Variants in ARHGAP30 observed in about 807,000 individuals in gnomAD.
ARHGAP30 encodes the protein Rho GTPase activating protein 30, also known as rho GTPase-activating protein 30.
ARHGAP30 carries 23 observed loss-of-function variants against 72.0 expected under a neutral mutation model. The observed-to-expected ratio is 0.32, with a 90% CI of 0.23 to 0.45. The LOEUF (loss-of-function observed/expected upper bound fraction) is 0.45. Ranked by LOEUF, ARHGAP30 falls within the 20% of genes least tolerant of loss-of-function variation. The probability of loss-of-function intolerance (pLI) is 1.00; values close to 1 mark genes in which losing one functional copy is unlikely to be tolerated. For missense variants in ARHGAP30, 1,319 were observed against 1,383.4 expected, an observed-to-expected ratio of 0.95 and a Z score of 0.74; for synonymous variants, 576 against 528.2, an observed-to-expected ratio of 1.09 and a Z score of -1.24.
rs750851006 is a variant in ARHGAP30, at chr1:161,049,232, T to A, written c.1789A>T (p.Arg597Trp). The change falls in exon 12 of 12, where the codon AGG (arginine) becomes TGG (tryptophan). Residue 597 changes from arginine to tryptophan, a missense_variant. By Grantham distance (101) the Arg-to-Trp change is moderately radical. Transcript: ENST00000368013. Reference sequence around the variant, plus strand: ...CCATTTTCCTCCTCAACTTCAGGCCTGGGGCCAGCGGAGTCCAGGGAACAG... The same window carrying A: ...CCATTTTCCTCCTCAACTTCAGGCCAGGGGCCAGCGGAGTCCAGGGAACAG... ...SCCSLDSAGP[R>W]PEVEEENGEE... 1 of 1,614,094 alleles carries A rather than the reference T, an allele frequency of 6.2e-7. No homozygotes were observed. Among genetic ancestry groups the A allele is most frequent in the Non-Finnish European group, 8.5e-7 (1 of 1,179,994 alleles).
At chr1:161,056,081 C>T (rs971274794) in intron 3 of ARHGAP30, among the ~76,000 whole-genome samples, 1 of 150,678 alleles carries the variant, frequency 6.6e-6, no homozygotes, top group African/African-American at 2.4e-5. Context: ...TTCCAAGGCC[C>T]TTCCAGCTAC....
chr1:161,051,428 A>C lies in ARHGAP30; in HGVS notation c.1306T>G (p.Ser436Ala). 6.2e-7 allele frequency: 1 copy of C among 1,614,188 alleles called. No homozygotes were observed. Among genetic ancestry groups the C allele is most frequent in the Non-Finnish European group, 8.5e-7 (1 of 1,180,044 alleles). ...SILSVPPNII[S>A]NVSLARLTRG... is the part of the protein sequence containing the mutation. ...GTGAGCCTGGCCAAGGAAACGTTAG[A>C]GATGATGTTCGGGGGCACACTGAGG... The change falls in exon 10 of 12, where the codon TCT (serine) becomes GCT (alanine). Residue 436 changes from serine (S) to alanine (A), a missense_variant. By Grantham distance (99) the Ser-to-Ala change is moderately conservative. Coordinates refer to ENST00000368013, the MANE Select transcript of ARHGAP30 (RefSeq NM_001025598.2).
At chr1:161,059,358 C>T (rs1027228789) in intron 2 of ARHGAP30, among the ~76,000 whole-genome samples, 6 of 149,946 alleles carry the variant, frequency 4.0e-5, no homozygotes, top group African/African-American at 1.2e-4. Flanking sequence ...TTTTTTAAGC[C>T]GGGTGTGTGT....
At chr1:161,064,770 AAAGAAAGAAAAAGAAAG>A (rs1652568445) in intron 1 of ARHGAP30, among the ~76,000 whole-genome samples, 1 of 101,980 alleles carries the variant, frequency 9.8e-6, no homozygotes, top group African/African-American at 3.9e-5. Context: ...AGAAAGAAAG[AAAGAAAGAAAAAGAAAG>A]AAAGAAAGAA....
In ARHGAP30 at chr1:161,047,577, C is replaced by G; in HGVS notation, c.*138G>C. On this transcript the variant is annotated 3_prime_UTR_variant, in exon 12 of 12. Coordinates refer to ENST00000368013, the MANE Select transcript of ARHGAP30 (RefSeq NM_001025598.2). Reference sequence around the variant, plus strand: ...CAACCAAGGCAGTGCCTCCCACAGTCAAAGAGAGAAGCTGGAGGGCCAAAG... The same window carrying G: ...CAACCAAGGCAGTGCCTCCCACAGTGAAAGAGAGAAGCTGGAGGGCCAAAG... 3.2e-6 allele frequency: 3 copies of G among 925,034 alleles called. No individual in the cohort carries two copies. The highest frequency in any genetic ancestry group is 4.5e-6 in the Non-Finnish European group (3 of 661,104). The allele number at this position is 925,034 out of a possible 1,614,324, so 57.3% of individuals were successfully genotyped here.
chr1:161,053,464 C>T, intron 5 of ARHGAP30, 79 bp from the exon 6 acceptor site: 2 of 339,418 alleles, frequency 5.9e-6, no homozygotes, highest in Non-Finnish European at 7.8e-6. Context: ...ATACCTTATT[C>T]TCTCTCTCTC....
chr1:161,048,681 C>T lies in ARHGAP30; in HGVS notation c.2340G>A (p.Glu780=). Residue 780 remains glutamate (E), a synonymous_variant, in exon 12 of 12, where the codon GAG becomes GAA. Coordinates refer to ENST00000368013, the MANE Select transcript of ARHGAP30 (RefSeq NM_001025598.2). ...EQGAQEDQVA[E]EKWEVVQKQE... is the part of the protein sequence containing the mutation. ...GTTTCTGTACAACTTCCCATTTCTC[C>T]TCAGCAACTTGATCTTCCTGGGCCC... The T allele has an allele frequency of 6.2e-7, 1 of 1,614,126 alleles. No homozygotes were observed. The highest frequency in any genetic ancestry group is 8.5e-7 in the Non-Finnish European group (1 of 1,180,020).
chr1:161,055,171 A>G (rs909488654), intron 3 of ARHGAP30, among the ~76,000 whole-genome samples: 1 of 152,240 alleles, frequency 6.6e-6, no homozygotes, highest in Non-Finnish European at 1.5e-5. Flanking sequence ...AATTCAAAAT[A>G]GCATATTTTT....
intron 1 of ARHGAP30, among the ~76,000 whole-genome samples, chr1:161,063,903 ACT>A (rs950536026): frequency 3.3e-5 from 5 of 152,042 alleles, no homozygotes; most frequent in African/African-American, 1.2e-4. Flanking sequence ...GGAAGAGGAA[ACT>A]CTCGCCTAAT....
At chr1:161,056,611 C>T in intron 2 of ARHGAP30, 79 bp from the exon 3 acceptor site, 4 of 1,490,466 alleles carry the variant, frequency 2.7e-6, no homozygotes, top group Non-Finnish European at 3.6e-6. Context: ...GAGATGGGTC[C>T]CGGCATGGTC....
intron 1 of ARHGAP30, among the ~76,000 whole-genome samples, chr1:161,060,904 C>T (rs1652267574): frequency 6.6e-6 from 1 of 152,042 alleles, no homozygotes; most frequent in South Asian, 2.1e-4. Context: ...CAGGGTTTCA[C>T]CATGTTGGCC....
chr1:161,049,017 C>G lies in ARHGAP30; in HGVS notation c.2004G>C (p.Arg668Ser), dbSNP rs574520685. The change falls in exon 12 of 12, where the codon AGG (arginine) becomes AGC (serine). Residue 668 changes from arginine to serine, a missense_variant. By Grantham distance (110) the Arg-to-Ser change is moderately radical. Transcript: ENST00000368013. Reference sequence around the variant, plus strand: ...CCTCTGCCTCTTCCCTGATGTCTAGCCTGCCTCCAGGCTCAGCCTGCTTGT... The same window carrying G: ...CCTCTGCCTCTTCCCTGATGTCTAGGCTGCCTCCAGGCTCAGCCTGCTTGT... ...GEDKQAEPGG[R>S]LDIREEAEGS... 6.1e-5 allele frequency: 98 copies of G among 1,613,962 alleles called. No homozygotes were observed. The South Asian group carries it at 9.2e-4, about 15-fold the overall frequency.
chr1:161,063,105 G>T (rs1003552752), intron 1 of ARHGAP30, among the ~76,000 whole-genome samples: 1 of 152,128 alleles, frequency 6.6e-6, no homozygotes. Flanking sequence ...GAGCCACTGC[G>T]CCCAGCCATT....
At chr1:161,062,003 G>C (rs545023475) in intron 1 of ARHGAP30, among the ~76,000 whole-genome samples, 1 of 152,226 alleles carries the variant, frequency 6.6e-6, no homozygotes, top group South Asian at 2.1e-4. Flanking sequence ...CAGGAGAATT[G>C]CTTGAACCCG....
chr1:161,069,578 C>A lies in ARHGAP30; in HGVS notation c.47G>T (p.Arg16Leu). The change falls in exon 1 of 12, where the codon CGG (arginine) becomes CTG (leucine). Residue 16 changes from arginine (R) to leucine (L), a missense_variant. Physicochemically the swap from Arg to Leu is moderately radical, Grantham distance 102. Transcript: ENST00000368013. The surrounding 1 kb of genome is among the most constrained non-coding windows in gnomAD (Gnocchi z 4.9). ...CTCCTGCAAGTCGCACCCAAAAACC[C>A]GCTCCTTTGCGCTGCCCTTCTTCTT... The part of the protein sequence containing the change: ...KGKKKGSAKE[R>L]VFGCDLQEHL... 4.3e-6 allele frequency: 7 copies of A among 1,611,628 alleles called. No individual in the cohort carries two copies. The highest frequency in any genetic ancestry group is 5.9e-6 in the Non-Finnish European group (7 of 1,180,014).
At chr1:161,065,033 T>C (rs1652660494) in intron 1 of ARHGAP30, among the ~76,000 whole-genome samples, 1 of 152,092 alleles carries the variant, frequency 6.6e-6, no homozygotes, top group Admixed American at 6.6e-5. Context: ...TTGCACTTGA[T>C]TATGTTTATT....
intron 9 of ARHGAP30, among the ~76,000 whole-genome samples, chr1:161,052,047 ACCACCACC>A (rs1557921115): frequency 0.11 from 1,614 of 15,018 alleles, 473 homozygotes; most frequent in Middle Eastern, 0.2. Context: ...CACCACCACC[ACCACCACC>A]ACCACATACC....
rs993999021 is a variant in ARHGAP30, at chr1:161,047,595, G to A, written c.*120C>T. 2 of 1,103,680 alleles carry A rather than the reference G, an allele frequency of 1.8e-6. No homozygotes were observed. The highest frequency in any genetic ancestry group is 3.0e-5 in the Admixed American group (1 of 33,472). 68.4% of individuals were successfully genotyped at this position (1,103,680 alleles called of 1,614,324 possible). A position where few individuals can be genotyped will look rare whatever the true frequency, so the allele number is the denominator to read the frequency against. ...CCACAGTCAAAGAGAGAAGCTGGAG[G>A]GCCAAAGCCTATAGAGTTGGGCACT... is the stretch of plus-strand genomic sequence containing the variant. On this transcript the variant is annotated 3_prime_UTR_variant, in exon 12 of 12. Coordinates refer to ENST00000368013, the MANE Select transcript of ARHGAP30 (RefSeq NM_001025598.2).
chr1:161,069,733 G>C lies in ARHGAP30; in HGVS notation c.-109C>G, dbSNP rs1653037086. On this transcript the variant is annotated 5_prime_UTR_variant, in exon 1 of 12. Coordinates refer to ENST00000368013, the MANE Select transcript of ARHGAP30 (RefSeq NM_001025598.2). The surrounding 1 kb of genome is among the most constrained non-coding windows in gnomAD (Gnocchi z 4.9). ...CTGCTGGGCTTGGCCCGGCCCCAGG[G>C]GGGCAGGGCTCCCAATTGGGGGTGG... 11 of 1,251,256 alleles carry C rather than the reference G, an allele frequency of 8.8e-6. No individual in the cohort carries two copies. The highest frequency in any genetic ancestry group is 4.5e-5 in the African/African-American group (3 of 66,546). The allele number at this position is 1,251,256 out of a possible 1,614,324, so 77.5% of individuals were successfully genotyped here. A position where few individuals can be genotyped will look rare whatever the true frequency, so the allele number is the denominator to read the frequency against.
Sources: allele counts gnomAD v4.1 joint callset (sites outside exome capture counted in the v4.1 genomes callset), GRCh38; gene constraint gnomAD v4.1.1; non-coding constraint Gnocchi (gnomAD v3.1); transcripts MANE v1.5; gene names NCBI Gene and HGNC (gene_info 2026-07-23, HGNC 2026-07-21).